SLC4A2: variants seen among roughly 807,000 people sequenced by gnomAD.
The protein encoded by SLC4A2 is anion exchange protein 2.
In SLC4A2, 36 loss-of-function variants were observed where a neutral mutation model predicts 115.0. The observed-to-expected ratio is 0.31, with a 90% confidence interval of 0.24 to 0.41. The LOEUF is 0.41. SLC4A2 is among the 10% of genes least tolerant of loss of function. SLC4A2 has a pLI of 1.00. For missense variants in SLC4A2, 1,252 were observed against 1,705.6 expected, an observed-to-expected ratio of 0.73 and a Z score of 4.68; for synonymous variants, 708 against 708.3, an observed-to-expected ratio of 1.00 and a Z score of 0.01.
intron 18 of SLC4A2, 86 bp downstream of exon 18, chr7:151,074,574 G>A (rs1336228003): frequency 6.3e-6 from 10 of 1,588,670 alleles, no homozygotes; most frequent in Admixed American, 5.0e-5. Flanking sequence ...AACCCAGCCT[G>A]TCCTTAAGCT....
Position 151,071,149 on chromosome 7 carries a change from C to T in SLC4A2, c.1827C>T (p.Ser609=), listed in dbSNP as rs374500619. The change falls in exon 13 of 23, where the codon AGC becomes AGT. Residue 609 remains serine (S), a synonymous_variant. Coordinates refer to ENST00000413384, the MANE Select transcript of SLC4A2 (RefSeq NM_003040.4). This position sits in a 1 kb window ranked among gnomAD's most constrained non-coding sequence, Gnocchi z 5.5. ...CCATCAACGCCTTCCTGGACTGCAG[C>T]GTGGTGCTGCCGCCTTCAGAAGTGC... The part of the protein sequence containing the change: ...LTAINAFLDC[S]VVLPPSEVQG... 10 of 1,612,742 alleles carry T rather than the reference C, an allele frequency of 6.2e-6. No individual in the cohort carries two copies. Among genetic ancestry groups the T allele is most frequent in the Non-Finnish European group, 6.8e-6 (8 of 1,179,962 alleles).
At chr7:151,073,949 T>C in intron 16 of SLC4A2, 90 bp from the exon 17 acceptor site, 1 of 1,350,096 alleles carries the variant, frequency 7.4e-7, no homozygotes, top group African/African-American at 1.5e-5. Flanking sequence ...GCCTTTCCCC[T>C]GCCCCACCCC....
upstream of SLC4A2, chr7:151,059,556 A>G (rs36044124): frequency 2.3e-5 from 3 of 130,582 alleles, no homozygotes; most frequent in East Asian, 6.9e-4. The surrounding 1 kb of genome is among the most constrained non-coding windows in gnomAD (Gnocchi z 5.8). Flanking sequence ...CCACCCGCGA[A>G]GGCGGGACCG....
intron 2 of SLC4A2, among the ~76,000 whole-genome samples, 195 bp from the exon 3 acceptor site, chr7:151,064,007 G>C (rs1797141348): frequency 6.6e-6 from 1 of 151,978 alleles, no homozygotes; most frequent in Non-Finnish European, 1.5e-5. Flanking sequence ...GGGATTACAG[G>C]TGTGAGCCAC....
Position 151,067,924 on chromosome 7 carries a change from G to C in SLC4A2, c.1017G>C (p.Gln339His), listed in dbSNP as rs573186650. 1 of 1,611,488 alleles carries C rather than the reference G, an allele frequency of 6.2e-7. No homozygotes were observed. Among genetic ancestry groups the C allele is most frequent in the Admixed American group, 1.7e-5 (1 of 59,166 alleles). Residue 339 changes from glutamine to histidine, a missense_variant, in exon 8 of 23, where the codon CAG (glutamine) becomes CAC (histidine). By Grantham distance (24) the Gln-to-His change is conservative (BLOSUM62 0). Coordinates refer to ENST00000413384, the MANE Select transcript of SLC4A2 (RefSeq NM_003040.4). ...ELLLDKNQEP[Q>H]WRETARWIKF... is the part of the protein sequence containing the mutation. ...TCCTGGACAAAAACCAGGAGCCCCA[G>C]TGGCGGGAGACAGCTCGCTGGATCA...
intron 19 of SLC4A2, 121 bp from the exon 20 acceptor site, chr7:151,075,134 T>C: frequency 7.4e-7 from 1 of 1,346,266 alleles, no homozygotes; most frequent in Non-Finnish European, 1.0e-6. Flanking sequence ...CCTGACGGAA[T>C]GGACAGGGAC....
chr7:151,070,480 A>G lies in SLC4A2; in HGVS notation c.1473A>G (p.Pro491=), dbSNP rs34077174. Residue 491 remains proline (P), a synonymous_variant, in exon 11 of 23, where the codon CCA becomes CCG. Transcript: ENST00000413384. ...ERERELPPPA[P]PAGITRSKSK... ...AGCGTGAGCTGCCGCCTCCAGCACC[A>G]CCAGCTGGCATCACCCGCTCCAAGT... The G allele has an allele frequency of 2.4e-3, 3,873 of 1,613,174 alleles. 6 individuals are homozygous for G. Among genetic ancestry groups the G allele is most frequent in the Non-Finnish European group, 2.7e-3 (3,176 of 1,179,656 alleles).
chr7:151,075,886 T>C, intron 21 of SLC4A2, 111 bp downstream of exon 21: 1 of 1,407,296 alleles, frequency 7.1e-7, no homozygotes, highest in East Asian at 2.3e-5. Context: ...AGCCCCCACC[T>C]CCTCTCTGTA....
At position 151,069,836 on chromosome 7, in the gene SLC4A2, G is replaced by A. The variant is rs1797368603; in HGVS notation, c.1148-111G>A. The A allele has an allele frequency of 1.4e-5, 19 of 1,313,900 alleles. No individual in the cohort carries two copies. In the South Asian group the frequency reaches 2.2e-4, roughly 15 times the overall value. The allele number at this position is 1,313,900 out of a possible 1,614,324, so 81.4% of individuals were successfully genotyped here. A position where few individuals can be genotyped will look rare whatever the true frequency, so the allele number is the denominator to read the frequency against. On this transcript the variant is annotated intron_variant, in intron 8 of 22. Coordinates refer to ENST00000413384, the MANE Select transcript of SLC4A2 (RefSeq NM_003040.4). ...CCGCGTCCTTCATGTGTAGGCTGGT[G>A]TTCCAGCCCCGGCACCCACCCACCT...
At chr7:151,062,699 G>A (rs1014779938) in intron 2 of SLC4A2, 1 of 1,479,756 alleles carries the variant, frequency 6.8e-7, no homozygotes, top group Non-Finnish European at 8.9e-7. Context: ...CCCCATGGCG[G>A]CAAGCTCCCT....
At position 151,070,822 on chromosome 7, in the gene SLC4A2, C is replaced by T. The variant is rs944620027; in HGVS notation, c.1660C>T (p.Arg554Cys). 3 of 1,613,978 alleles carry T rather than the reference C, an allele frequency of 1.9e-6. No individual in the cohort carries two copies. The highest frequency in any genetic ancestry group is 2.2e-5 in the East Asian group (1 of 44,876). ...AGTGTTGGAGGTGCCGGTGCCTGTG[C>T]GTTTCCTCTTCCTGCTGCTGGGCCC... ...DAVLEVPVPV[R>C]FLFLLLGPSS... is the part of the protein sequence containing the mutation. The change falls in exon 12 of 23, where the codon CGT becomes TGT. Residue 554 changes from arginine to cysteine, a missense_variant. Arg to Cys is a radical substitution (Grantham distance 180). Coordinates refer to ENST00000413384, the MANE Select transcript of SLC4A2 (RefSeq NM_003040.4).
chr7:151,062,136 T>C (rs1584981000), intron 2 of SLC4A2, 98 bp downstream of exon 2: 1 of 205,356 alleles, frequency 4.9e-6, no homozygotes, highest in Admixed American at 4.9e-5. Context: ...TGTGAGCGTG[T>C]GTGAGTGTGG....
intron 19 of SLC4A2, 34 bp downstream of exon 19, chr7:151,074,875 C>T (rs753676343): frequency 6.4e-7 from 1 of 1,555,106 alleles, no homozygotes; most frequent in Non-Finnish European, 8.7e-7. Flanking sequence ...TGTGAGAGGC[C>T]AGAGCCCCAG....
At chr7:151,068,906 G>A (rs1215239781) in intron 8 of SLC4A2, among the ~76,000 whole-genome samples, 6 of 151,762 alleles carry the variant, frequency 4.0e-5, no homozygotes, top group Admixed American at 3.9e-4. Context: ...TTGGGAGGCT[G>A]AGGTGGGTGG....
At chr7:151,072,708 T>G (rs1208517637) in intron 16 of SLC4A2, among the ~76,000 whole-genome samples, 1 of 150,938 alleles carries the variant, frequency 6.6e-6, no homozygotes, top group Non-Finnish European at 1.5e-5. Context: ...CAGGCTGGAG[T>G]GCAGTTTTGG....
In SLC4A2 at chr7:151,071,120, A is replaced by G. The variant is rs1266138719; in HGVS notation, c.1798A>G (p.Thr600Ala). Reference protein sequence around the residue: ...YLADEREDLLTAINAFLDCSV... With the variant: ...YLADEREDLLAAINAFLDCSV... ...GGCTGACGAGCGGGAGGACCTGCTG[A>G]CGGCCATCAACGCCTTCCTGGACTG... The change falls in exon 13 of 23, where the codon ACG (threonine) becomes GCG (alanine). Residue 600 changes from threonine (T) to alanine (A), a missense_variant. Thr to Ala is a moderately conservative substitution (Grantham distance 58). Coordinates refer to ENST00000413384, the MANE Select transcript of SLC4A2 (RefSeq NM_003040.4). The surrounding 1 kb of genome is among the most constrained non-coding windows in gnomAD (Gnocchi z 5.5). 1 of 1,612,738 alleles carries G rather than the reference A, an allele frequency of 6.2e-7. No individual in the cohort carries two copies. Among genetic ancestry groups the G allele is most frequent in the Admixed American group, 1.7e-5 (1 of 60,022 alleles).
At chr7:151,061,652 C>T (rs1797048785) in intron 1 of SLC4A2, 2 of 348,502 alleles carry the variant, frequency 5.7e-6, no homozygotes, top group South Asian at 1.2e-4. Context: ...CTCCTTTCTC[C>T]CTCATTTTTC....
chr7:151,063,470 A>C (rs1454220179), intron 2 of SLC4A2, among the ~76,000 whole-genome samples: 1 of 152,180 alleles, frequency 6.6e-6, no homozygotes, highest in East Asian at 1.9e-4. Flanking sequence ...TCCAGGCTGC[A>C]GATGGGCTGG....
At chr7:151,069,391 C>T (rs1051304988) in intron 8 of SLC4A2, among the ~76,000 whole-genome samples, 1 of 152,080 alleles carries the variant, frequency 6.6e-6, no homozygotes, top group East Asian at 1.9e-4. Context: ...TTTGAAGGGA[C>T]TGTTATTTCT....
Sources: gnomAD v4.1 joint callset for allele counts (sites outside exome capture counted in the v4.1 genomes callset) on GRCh38, gnomAD v4.1.1 for gene constraint, Gnocchi (gnomAD v3.1) non-coding constraint, MANE v1.5 for transcripts, NCBI Gene and HGNC (gene_info 2026-07-23, HGNC 2026-07-21) for gene names.